FAM167A: variants seen among roughly 807,000 people sequenced by gnomAD.
FAM167A encodes the protein family with sequence similarity 167 member A.
A neutral mutation model predicts 14.9 loss-of-function variants in FAM167A; 23 were observed. The ratio of observed to expected loss-of-function variants is 1.55; its 90% CI spans 1.11 to 2.19. FAM167A has a LOEUF of 2.19. Ranked by LOEUF, FAM167A falls within the 30% of genes most tolerant of loss-of-function variation. FAM167A has a pLI of 0.00. For missense variants in FAM167A, 401 were observed against 281.5 expected (o/e 1.42, Z -3.04); for synonymous variants, 174 against 117.7 (o/e 1.48, Z -3.10).
intron 1 of FAM167A, among the ~76,000 whole-genome samples, chr8:11,453,634 C>G (rs770830557): frequency 6.6e-6 from 1 of 152,130 alleles, no homozygotes; most frequent in Non-Finnish European, 1.5e-5. Context: ...AGCTGGGGAC[C>G]AGGACCGGGT....
upstream of FAM167A, among the ~76,000 whole-genome samples, chr8:11,467,879 C>A (rs1807834213): frequency 6.6e-6 from 1 of 152,232 alleles, no homozygotes; most frequent in Non-Finnish European, 1.5e-5. Flanking sequence ...CCAGTACAGA[C>A]CTAGTCATGC....
chr8:11,448,043 A>G (rs1430547570), intron 1 of FAM167A, among the ~76,000 whole-genome samples: 1 of 152,088 alleles, frequency 6.6e-6, no homozygotes, highest in Non-Finnish European at 1.5e-5. Context: ...AAAATACAAA[A>G]ATTAGCTGGG....
chr8:11,445,200 G>C (rs73546312), intron 1 of FAM167A: 2 of 984,658 alleles, frequency 2.0e-6, no homozygotes, highest in African/African-American at 3.5e-5. Flanking sequence ...CTGAATCTGA[G>C]GCCACAGGTC....
intron 2 of FAM167A, among the ~76,000 whole-genome samples, chr8:11,440,775 C>A (rs1037871281): frequency 3.3e-5 from 5 of 152,234 alleles, no homozygotes; most frequent in South Asian, 4.1e-4. Context: ...GTAGGAAGGG[C>A]TTGCCCAGGT....
At chr8:11,440,680 C>A (rs1041863635) in intron 2 of FAM167A, among the ~76,000 whole-genome samples, 4 of 152,198 alleles carry the variant, frequency 2.6e-5, no homozygotes, top group Non-Finnish European at 4.4e-5. Flanking sequence ...AATATCCACA[C>A]GACTAAGGGA....
chr8:11,441,282 C>G (rs1028021063), intron 2 of FAM167A, among the ~76,000 whole-genome samples: 3 of 152,214 alleles, frequency 2.0e-5, no homozygotes, highest in Non-Finnish European at 4.4e-5. Flanking sequence ...TCTCAGGTCC[C>G]CTGTTGGTCC....
At chr8:11,449,987 C>T (rs1207697812) in intron 1 of FAM167A, among the ~76,000 whole-genome samples, 3 of 152,236 alleles carry the variant, frequency 2.0e-5, no homozygotes, top group African/African-American at 7.2e-5. Flanking sequence ...ATCCCCTCCA[C>T]ACCTCCTCTC....
intron 1 of FAM167A, among the ~76,000 whole-genome samples, chr8:11,473,171 C>T (rs1454809448): frequency 6.6e-6 from 1 of 152,232 alleles, no homozygotes; most frequent in Non-Finnish European, 1.5e-5. Context: ...TAGCCCACGG[C>T]AACGTCAGTG....
intron 1 of FAM167A, among the ~76,000 whole-genome samples, chr8:11,464,067 C>G (rs191708000): frequency 3.3e-5 from 5 of 152,264 alleles, no homozygotes; most frequent in Non-Finnish European, 7.4e-5. Context: ...TCAGCAAAGT[C>G]CTCTCGAGAG....
At chr8:11,449,836 T>G (rs1197264649) in intron 1 of FAM167A, among the ~76,000 whole-genome samples, 1 of 152,208 alleles carries the variant, frequency 6.6e-6, no homozygotes, top group Non-Finnish European at 1.5e-5. Context: ...CTAACTCCTC[T>G]GGCTGCTGGA....
At chr8:11,428,836 G>C (rs988043759) in intron 2 of FAM167A, among the ~76,000 whole-genome samples, 8 of 152,116 alleles carry the variant, frequency 5.3e-5, no homozygotes, top group Non-Finnish European at 8.8e-5. Flanking sequence ...CTTGAGCCCC[G>C]ATTAGGAGGT....
At chr8:11,438,344 C>T in intron 2 of FAM167A, 1 of 433,952 alleles carries the variant, frequency 2.3e-6, no homozygotes, top group South Asian at 1.7e-5. Context: ...AACTCATCAG[C>T]TCTCACATCA....
rs559784871 is a variant in FAM167A at position 11,440,243 on chromosome 8, G to T, written c.381+3788C>A. On this transcript the variant is annotated intron_variant, in intron 2 of 2. Coordinates refer to ENST00000284486, the MANE Select transcript of FAM167A (RefSeq NM_053279.3). ...ACAGCCAGAGAGCCACACATCTCCA[G>T]CTCCGCCCCGGGGAGCCCAAGGTCA... Among the ~76,000 whole-genome samples the T allele has an allele frequency of 6.6e-5, 10 of 152,318 alleles. No homozygotes were observed. The East Asian group carries it at 1.9e-3, about 29-fold the overall frequency.
At chr8:11,467,336 G>C (rs1047273961), upstream of FAM167A, among the ~76,000 whole-genome samples, 1 of 152,254 alleles carries the variant, frequency 6.6e-6, no homozygotes, top group East Asian at 1.9e-4. Flanking sequence ...GCTGTCGTTA[G>C]ATTCTAAGAC....
intron 2 of FAM167A, among the ~76,000 whole-genome samples, chr8:11,431,642 ATCCAGGGGACC>A (rs1012800049): frequency 3.9e-5 from 6 of 152,174 alleles, no homozygotes. Flanking sequence ...AGAATACTGC[ATCCAGGGGACC>A]TCCTTAGTCC....
intron 1 of FAM167A, among the ~76,000 whole-genome samples, chr8:11,462,351 A>C (rs771365319): frequency 6.6e-6 from 1 of 152,314 alleles, no homozygotes; most frequent in African/African-American, 2.4e-5. Context: ...TTCCACATCC[A>C]TGAAACAGGA....
chr8:11,421,655 C>T lies in FAM167A; in HGVS notation c.*2718G>A, dbSNP rs79575216. On this transcript the variant is annotated 3_prime_UTR_variant, in exon 3 of 3. Coordinates refer to ENST00000284486, the MANE Select transcript of FAM167A (RefSeq NM_053279.3). ...TCGGTCAGGCATCGTCAAGCCTGCC[C>T]AGGCCCTCCAGGCCTCTTTGATAGC... 2 of 398,844 alleles carry T rather than the reference C, an allele frequency of 5.0e-6. No individual in the cohort carries two copies. The highest frequency in any genetic ancestry group is 4.4e-6 in the Non-Finnish European group (1 of 226,046). 24.7% of individuals were successfully genotyped at this position (398,844 alleles called of 1,614,324 possible). A position where few individuals can be genotyped will look rare whatever the true frequency, so the allele number is the denominator to read the frequency against.
At chr8:11,464,167 C>A (rs1290823330) in intron 1 of FAM167A, among the ~76,000 whole-genome samples, 2 of 152,114 alleles carry the variant, frequency 1.3e-5, no homozygotes, top group African/African-American at 4.8e-5. Context: ...GAGCAGCCCC[C>A]CTTGAACTGC....
intron 1 of FAM167A, among the ~76,000 whole-genome samples, chr8:11,458,704 T>C (rs975223773): frequency 2.0e-5 from 3 of 151,936 alleles, no homozygotes; most frequent in African/African-American, 7.3e-5. Context: ...GCTGGGAGGA[T>C]ATAAGCTTGG....
Sources: gnomAD v4.1 joint callset for allele counts (sites outside exome capture counted in the v4.1 genomes callset) on GRCh38, gnomAD v4.1.1 for gene constraint, MANE v1.5 for transcripts, NCBI Gene and HGNC (gene_info 2026-07-23, HGNC 2026-07-21) for gene names.